MAPKAPK5: variants seen among roughly 807,000 people sequenced by gnomAD.
MAPKAPK5 encodes the protein MAPK activated protein kinase 5, also known as MAP kinase-activated protein kinase 5.
In MAPKAPK5, 30 loss-of-function variants were observed where a neutral mutation model predicts 65.1. That is an observed-to-expected ratio of 0.46 (90% confidence interval 0.34 to 0.63). The LOEUF (loss-of-function observed/expected upper bound fraction) is 0.63, where lower values mean the gene tolerates loss of function less well. Among genes scored for constraint, MAPKAPK5 ranks in the 20% least tolerant of loss-of-function variants. MAPKAPK5 has a pLI of 0.01. For missense variants in MAPKAPK5, 433 were observed against 581.4 expected (o/e 0.74, Z 2.63); for synonymous variants, 179 against 204.6 (o/e 0.87, Z 1.07).
intron 1 of MAPKAPK5, among the ~76,000 whole-genome samples, chr12:111,863,269 A>C (rs944343724): frequency 6.6e-6 from 1 of 152,158 alleles, no homozygotes; most frequent in African/African-American, 2.4e-5. Context: ...GGTCCTCCTA[A>C]CTCAATATCC....
chr12:111,866,145 T>A lies in MAPKAPK5; in HGVS notation c.111-11T>A. 1 of 1,588,226 alleles carries A rather than the reference T, an allele frequency of 6.3e-7. No individual in the cohort carries two copies. Among genetic ancestry groups the A allele is most frequent in the Non-Finnish European group, 8.6e-7 (1 of 1,168,264 alleles). On this transcript the variant is annotated splice_polypyrimidine_tract_variant and intron_variant, in intron 2 of 13. Coordinates refer to ENST00000550735, the MANE Select transcript of MAPKAPK5 (RefSeq NM_003668.4). The stretch of plus-strand genomic sequence containing the variant: ...TATGATCTCTGATTGATTTTTTTTC[T>A]CCAAATCTAGAGTCTGTGTAAAGAA...
At chr12:111,876,608 AT>A (rs1229047277) in intron 7 of MAPKAPK5, among the ~76,000 whole-genome samples, 1 of 152,076 alleles carries the variant, frequency 6.6e-6, no homozygotes, top group Non-Finnish European at 1.5e-5. Context: ...AAATTAGGAA[AT>A]TTTTCAGACA....
chr12:111,871,770 C>T (rs1464467475), intron 7 of MAPKAPK5, among the ~76,000 whole-genome samples: 2 of 152,198 alleles, frequency 1.3e-5, no homozygotes, highest in East Asian at 1.9e-4. Context: ...CCCCATATGG[C>T]GACCACCACA....
chr12:111,900,209 A>G lies in MAPKAPK5; in HGVS notation c.*7148A>G, dbSNP rs1312532824. 2.2e-6 allele frequency: 1 copy of G among 455,944 alleles called. No homozygotes were observed. Among genetic ancestry groups the G allele is most frequent in the African/African-American group, 2.0e-5 (1 of 50,072 alleles). The allele number at this position is 455,944 out of a possible 1,614,324, so 28.2% of individuals were successfully genotyped here. On this transcript the variant is annotated 3_prime_UTR_variant, in exon 14 of 14. Transcript: ENST00000550735. ...GACAAGAGATGCTCTTCCATCGTGC[A>G]AAACACGATGTTGCCCACATGATCG... is the stretch of plus-strand genomic sequence containing the variant.
At chr12:111,843,796 G>A (rs1486810103) in intron 1 of MAPKAPK5, among the ~76,000 whole-genome samples, 1 of 152,150 alleles carries the variant, frequency 6.6e-6, no homozygotes, top group African/African-American at 2.4e-5. Flanking sequence ...TATACATTAA[G>A]GAAGACCAGG....
chr12:111,864,142 G>GTGT (rs371110075), intron 1 of MAPKAPK5, among the ~76,000 whole-genome samples: 152 of 152,070 alleles, frequency 1.0e-3, no homozygotes, highest in Admixed American at 1.6e-3. Context: ...AGATGCTGTG[G>GTGT]TGTGTGCCTG....
At chr12:111,868,702 CTTTTTCTT>C (rs2069686526) in intron 4 of MAPKAPK5, 43 bp from the exon 5 acceptor site, 1 of 1,354,184 alleles carries the variant, frequency 7.4e-7, no homozygotes, top group Non-Finnish European at 1.0e-6. Context: ...TTTTTTGTTT[CTTTTTCTT>C]TTTTTTTTTT....
chr12:111,868,729 A>G, intron 4 of MAPKAPK5, 24 bp from the exon 5 acceptor site: 1 of 1,486,136 alleles, frequency 6.7e-7, no homozygotes, highest in African/African-American at 1.4e-5. Context: ...TTTTAACTTA[A>G]CAAAATCAAA....
chr12:111,865,352 A>G, intron 2 of MAPKAPK5, 29 bp downstream of exon 2: 1 of 1,516,552 alleles, frequency 6.6e-7, no homozygotes, highest in Non-Finnish European at 9.0e-7. Context: ...AAACTATGGC[A>G]AATTGTTGGC....
rs761474545 is a variant in MAPKAPK5, at chr12:111,842,673, G to T, written c.-61G>T. ...TGCCGAGCCCTTTGCTCCCTCGGCC[G>T]CGCGGGGACAGGGCTGCTGAGCAGC... On this transcript the variant is annotated 5_prime_UTR_variant, in exon 1 of 14. Coordinates refer to ENST00000550735, the MANE Select transcript of MAPKAPK5 (RefSeq NM_003668.4). The T allele has an allele frequency of 8.9e-5, 115 of 1,286,108 alleles. No homozygotes were observed. In the Middle Eastern group the frequency reaches 1.0e-3, roughly 11 times the overall value. The allele number at this position is 1,286,108 out of a possible 1,614,324, so 79.7% of individuals were successfully genotyped here.
At position 111,896,301 on chromosome 12, in the gene MAPKAPK5, A is replaced by C. The variant is rs1323387235; in HGVS notation, c.*3240A>C. 2 of 152,182 alleles carry C rather than the reference A, an allele frequency of 1.3e-5. No homozygotes were observed. Among genetic ancestry groups the C allele is most frequent in the Admixed American group, 1.3e-4 (2 of 15,272 alleles). 9.4% of individuals were successfully genotyped at this position (152,182 alleles called of 1,614,324 possible). Reference sequence around the variant, plus strand: ...CCGTGTTTCAGTCACTTCAAGCTGAATTCATGCCCTCAATGTAAGTGCTGT... The same window carrying C: ...CCGTGTTTCAGTCACTTCAAGCTGACTTCATGCCCTCAATGTAAGTGCTGT... On this transcript the variant is annotated 3_prime_UTR_variant, in exon 14 of 14. Transcript: ENST00000550735.
chr12:111,881,667 A>G (rs2070236908), intron 8 of MAPKAPK5, among the ~76,000 whole-genome samples: 1 of 152,168 alleles, frequency 6.6e-6, no homozygotes, highest in African/African-American at 2.4e-5. Flanking sequence ...CGGCCTCACA[A>G]AGAGCTGGGA....
At position 111,870,312 on chromosome 12, in the gene MAPKAPK5, GCA is replaced by G; in HGVS notation, c.438_439del (p.His146GlnfsTer6). 1 of 1,610,126 alleles carries G rather than the reference GCA, an allele frequency of 6.2e-7. No homozygotes were observed. The highest frequency in any genetic ancestry group is 8.5e-7 in the Non-Finnish European group (1 of 1,176,868). The part of the protein sequence containing the change: ...LRHCHLLNIA[H>X]RDLKPENLLF... Reference sequence around the variant, plus strand: ...GGCACTGTCACTTGTTAAACATTGCGCACAGAGACCTCAAGCCTGAAAATCTG... The same window carrying G: ...GGCACTGTCACTTGTTAAACATTGCGCAGAGACCTCAAGCCTGAAAATCTG... On this transcript the variant is annotated frameshift_variant, in exon 6 of 14. Coordinates refer to ENST00000550735, the MANE Select transcript of MAPKAPK5 (RefSeq NM_003668.4). LOFTEE classifies it high-confidence loss of function.
rs1000828910 is a variant in MAPKAPK5, at chr12:111,850,918, G to A, written c.36+8149G>A. On this transcript the variant is annotated intron_variant, in intron 1 of 13. Coordinates refer to ENST00000550735, the MANE Select transcript of MAPKAPK5 (RefSeq NM_003668.4). ...CATTTTCTTTTTTTTTTTTTTTTTT[G>A]AGAGGAGTCTCGCTCTGTGGCCCAG... Among the ~76,000 whole-genome samples, 18 of 83,190 alleles carry A rather than the reference G, an allele frequency of 2.2e-4. No individual in the cohort carries two copies. In the Admixed American group the frequency reaches 2.3e-3, roughly 11 times the overall value. 54.6% of individuals were successfully genotyped at this position (83,190 alleles called of 152,430 possible).
intron 1 of MAPKAPK5, among the ~76,000 whole-genome samples, chr12:111,857,319 G>T (rs182366353): frequency 6.6e-6 from 1 of 150,960 alleles, no homozygotes; most frequent in Non-Finnish European, 1.5e-5. Context: ...TCGGCTCACT[G>T]CAACCTCCAC....
intron 7 of MAPKAPK5, among the ~76,000 whole-genome samples, chr12:111,873,224 T>C (rs902674357): frequency 6.6e-6 from 1 of 152,228 alleles, no homozygotes; most frequent in African/African-American, 2.4e-5. Context: ...GGTTCTTTTT[T>C]TCCCCCTTAA....
chr12:111,883,190 G>A lies in MAPKAPK5; in HGVS notation c.661-391G>A, dbSNP rs532930815. Among the ~76,000 whole-genome samples the A allele has an allele frequency of 7.2e-5, 11 of 152,164 alleles. No individual in the cohort carries two copies. The highest frequency in any genetic ancestry group is 7.2e-4 in the Admixed American group (11 of 15,276). ...GTTCGAGACCAACCTGACCAACATG[G>A]TGAAAGCCTATCTCTACTAAAAAAA... is the stretch of plus-strand genomic sequence containing the variant. On this transcript the variant is annotated intron_variant, in intron 8 of 13. Coordinates refer to ENST00000550735, the MANE Select transcript of MAPKAPK5 (RefSeq NM_003668.4). This position sits in a 1 kb window ranked among gnomAD's most constrained non-coding sequence, Gnocchi z 4.8.
chr12:111,842,339 CTCT>C lies in MAPKAPK5; in HGVS notation c.-390_-388del, dbSNP rs2068741820. On this transcript the variant is annotated 5_prime_UTR_variant, in exon 1 of 14. Transcript: ENST00000550735. The stretch of plus-strand genomic sequence containing the variant: ...CAGGCGGCGGAGGCGGAGGCGCAGG[CTCT>C]TCTTTAGGACCTGGCGAGCCCAGGT... The C allele has an allele frequency of 6.4e-6, 1 of 157,084 alleles. No homozygotes were observed. Among genetic ancestry groups the C allele is most frequent in the African/African-American group, 2.4e-5 (1 of 41,578 alleles). The allele number at this position is 157,084 out of a possible 1,614,324, so 9.7% of individuals were successfully genotyped here.
intron 12 of MAPKAPK5, 36 bp downstream of exon 12, chr12:111,889,036 C>A: frequency 1.3e-6 from 2 of 1,551,462 alleles, no homozygotes; most frequent in Non-Finnish European, 1.7e-6. Flanking sequence ...CTCTGTGTGT[C>A]TGTGAGTGTG....
Sources: gnomAD v4.1 joint callset for allele counts (sites outside exome capture counted in the v4.1 genomes callset) on GRCh38, gnomAD v4.1.1 for gene constraint, Gnocchi (gnomAD v3.1) non-coding constraint, MANE v1.5 for transcripts, NCBI Gene and HGNC (gene_info 2026-07-23, HGNC 2026-07-21) for gene names.